DPYSL2: variants seen among roughly 807,000 people sequenced by gnomAD.
DPYSL2 encodes the protein dihydropyrimidinase like 2.
Under a neutral mutation model 69.9 loss-of-function variants are expected in DPYSL2, and 13 were observed. The observed-to-expected ratio is 0.19, with a 90% confidence interval of 0.12 to 0.30. The LOEUF (loss-of-function observed/expected upper bound fraction) is 0.30, where lower values mean the gene tolerates loss of function less well. Ranked by LOEUF, DPYSL2 falls within the 10% of genes least tolerant of loss-of-function variation. DPYSL2 has a pLI of 1.00. For missense variants in DPYSL2, 587 were observed against 918.9 expected, an observed-to-expected ratio of 0.64 and a Z score of 4.67; for synonymous variants, 326 against 359.1, an observed-to-expected ratio of 0.91 and a Z score of 1.04.
chr8:26,608,874 T>G (rs940284871), intron 3 of DPYSL2, among the ~76,000 whole-genome samples: 4 of 152,218 alleles, frequency 2.6e-5, no homozygotes, highest in Admixed American at 2.6e-4. Flanking sequence ...ACAGATGACA[T>G]CACCGACTTT....
chr8:26,570,526 CA>C (rs1386383387), intron 1 of DPYSL2, among the ~76,000 whole-genome samples: 2 of 152,072 alleles, frequency 1.3e-5, no homozygotes, highest in African/African-American at 4.8e-5. Context: ...ATCACGAGGT[CA>C]GGAGTTCGAG....
rs2129805074 is a variant in DPYSL2 at position 26,598,773 on chromosome 8, C to T, written c.628+14790C>T. Among the ~76,000 whole-genome samples the T allele has an allele frequency of 6.6e-6, 1 of 151,660 alleles. No individual in the cohort carries two copies. Among genetic ancestry groups the T allele is most frequent in the South Asian group, 2.1e-4 (1 of 4,804 alleles). On this transcript the variant is annotated intron_variant, in intron 3 of 13. Coordinates refer to ENST00000521913, the MANE Select transcript of DPYSL2 (RefSeq NM_001197293.3). This position sits in a 1 kb window ranked among gnomAD's most constrained non-coding sequence, Gnocchi z 4.2. Reference sequence around the variant, plus strand: ...CTGATTACAAGCTCCAGGTGAAGAGCAGGTTTGAGACTTACACCTTGTTTA... The same window carrying T: ...CTGATTACAAGCTCCAGGTGAAGAGTAGGTTTGAGACTTACACCTTGTTTA...
At chr8:26,633,773 C>G (rs548442331) in intron 7 of DPYSL2, among the ~76,000 whole-genome samples, 1 of 152,304 alleles carries the variant, frequency 6.6e-6, no homozygotes, top group African/African-American at 2.4e-5. Flanking sequence ...ACCACACTGA[C>G]TGGAACATCC....
intron 1 of DPYSL2, among the ~76,000 whole-genome samples, chr8:26,519,426 T>C (rs371212656): frequency 2.0e-5 from 3 of 152,246 alleles, no homozygotes; most frequent in African/African-American, 7.2e-5. Context: ...TCAGTCCCAC[T>C]GCAGTCCTCT....
chr8:26,600,758 C>G (rs1416148679), intron 3 of DPYSL2, among the ~76,000 whole-genome samples: 1 of 152,198 alleles, frequency 6.6e-6, no homozygotes, highest in Non-Finnish European at 1.5e-5. Context: ...AGCCCTCCCT[C>G]TAGGGCTCAC....
chr8:26,653,518 A>T lies in DPYSL2; in HGVS notation c.1942+121A>T, dbSNP rs1404841501. The stretch of plus-strand genomic sequence containing the variant: ...AGTGAATGATATTCCCTTTCTCTCC[A>T]ACGTGAGAAATACAGTGGACTCAGA... On this transcript the variant is annotated intron_variant, in intron 13 of 13. Coordinates refer to ENST00000521913, the MANE Select transcript of DPYSL2 (RefSeq NM_001197293.3). This position sits in a 1 kb window ranked among gnomAD's most constrained non-coding sequence, Gnocchi z 5.7. 9.3e-7 allele frequency: 1 copy of T among 1,078,854 alleles called. No individual in the cohort carries two copies. The highest frequency in any genetic ancestry group is 1.3e-6 in the Non-Finnish European group (1 of 746,508). The allele number at this position is 1,078,854 out of a possible 1,614,324, so 66.8% of individuals were successfully genotyped here.
chr8:26,540,773 C>T (rs577196584), intron 1 of DPYSL2, among the ~76,000 whole-genome samples: 187 of 151,976 alleles, frequency 1.2e-3, no homozygotes, highest in African/African-American at 3.8e-3. Context: ...GGCATGGTGG[C>T]ACATGCCTGT....
chr8:26,592,291 T>A (rs1801744464), intron 3 of DPYSL2, among the ~76,000 whole-genome samples: 1 of 152,134 alleles, frequency 6.6e-6, no homozygotes, highest in Non-Finnish European at 1.5e-5. Context: ...TAGTTGGGAC[T>A]GTAGGTGTGC....
chr8:26,544,011 A>G (rs1348978531), intron 1 of DPYSL2, among the ~76,000 whole-genome samples: 1 of 152,052 alleles, frequency 6.6e-6, no homozygotes, highest in African/African-American at 2.4e-5. Flanking sequence ...TGTCAACCCA[A>G]TGGACAGATA....
intron 1 of DPYSL2, among the ~76,000 whole-genome samples, chr8:26,553,069 T>A (rs1393107310): frequency 6.6e-6 from 1 of 152,100 alleles, no homozygotes; most frequent in African/African-American, 2.4e-5. Context: ...TATTGGCCAA[T>A]TCTTTGAAAT....
chr8:26,528,015 C>T (rs981612688), intron 1 of DPYSL2, among the ~76,000 whole-genome samples: 3 of 151,950 alleles, frequency 2.0e-5, no homozygotes, highest in African/African-American at 7.3e-5. Flanking sequence ...TGTTGGCCAG[C>T]CTTGTATTGA....
At position 26,601,009 on chromosome 8, in the gene DPYSL2, G is replaced by A. The variant is rs115225607; in HGVS notation, c.628+17026G>A. The stretch of plus-strand genomic sequence containing the variant: ...TCACCCTTCTGACAGCACACAGCCT[G>A]CGGGGTCCAGGCACTCTCAGCCATG... On this transcript the variant is annotated intron_variant, in intron 3 of 13. Transcript: ENST00000521913. Among the ~76,000 whole-genome samples, 1,204 of 152,322 alleles carry A rather than the reference G, an allele frequency of 7.9e-3. 19 individuals are homozygous for A. The highest frequency in any genetic ancestry group is 0.028 in the African/African-American group (1,152 of 41,576).
In DPYSL2 at chr8:26,643,705, C is replaced by G; in HGVS notation, c.1283+110C>G. The G allele has an allele frequency of 6.8e-7, 1 of 1,479,350 alleles. No homozygotes were observed. Among genetic ancestry groups the G allele is most frequent in the Non-Finnish European group, 9.3e-7 (1 of 1,074,282 alleles). The allele number at this position is 1,479,350 out of a possible 1,614,324, so 91.6% of individuals were successfully genotyped here. A position where few individuals can be genotyped will look rare whatever the true frequency, so the allele number is the denominator to read the frequency against. ...CAAGAGCAGCCATAAAACTGGGAGA[C>G]CCTTGTTCACCAAACTAGGTTGGCT... On this transcript the variant is annotated intron_variant, in intron 9 of 13. Transcript: ENST00000521913. This position sits in a 1 kb window ranked among gnomAD's most constrained non-coding sequence, Gnocchi z 6.5.
intron 1 of DPYSL2, among the ~76,000 whole-genome samples, chr8:26,531,118 T>C (rs1585492047): frequency 6.6e-6 from 1 of 150,756 alleles, no homozygotes; most frequent in East Asian, 2.0e-4. Context: ...TAAGCACCTC[T>C]CCAAAACCCC....
intron 3 of DPYSL2, among the ~76,000 whole-genome samples, chr8:26,618,498 T>C (rs1006260956): frequency 7.0e-6 from 1 of 142,180 alleles, no homozygotes; most frequent in Non-Finnish European, 1.5e-5. Context: ...TTTTTTTTTT[T>C]TGTAGAGTTG....
intron 3 of DPYSL2, among the ~76,000 whole-genome samples, chr8:26,606,844 G>C (rs963868262): frequency 6.6e-6 from 1 of 152,168 alleles, no homozygotes; most frequent in African/African-American, 2.4e-5. Context: ...TGTCAATTCT[G>C]AGGGGGGAAG....
Position 26,624,436 on chromosome 8 carries a change from G to GA in DPYSL2, c.793+131dup. On this transcript the variant is annotated intron_variant, in intron 4 of 13. Coordinates refer to ENST00000521913, the MANE Select transcript of DPYSL2 (RefSeq NM_001197293.3). The surrounding 1 kb of genome is among the most constrained non-coding windows in gnomAD (Gnocchi z 4.7). The stretch of plus-strand genomic sequence containing the variant: ...GCCTCATGCCCATGCCTGCCCCTGG[G>GA]AAGGAGAGAGGGCTTTGGGCCGCAG... 3.3e-6 allele frequency: 4 copies of GA among 1,220,324 alleles called. No individual in the cohort carries two copies. The highest frequency in any genetic ancestry group is 4.6e-6 in the Non-Finnish European group (4 of 871,198). The allele number at this position is 1,220,324 out of a possible 1,614,324, so 75.6% of individuals were successfully genotyped here.
chr8:26,536,672 A>AAAAC (rs57765133), intron 1 of DPYSL2, among the ~76,000 whole-genome samples: 38,335 of 151,454 alleles, frequency 0.25, 5,390 homozygotes, highest in African/African-American at 0.38. Context: ...CTCCATCTCA[A>AAAAC]AAACAAACAA....
At chr8:26,581,712 T>G (rs1378587858) in intron 1 of DPYSL2, among the ~76,000 whole-genome samples, 1 of 152,084 alleles carries the variant, frequency 6.6e-6, no homozygotes, top group East Asian at 1.9e-4. Context: ...CTGCTTTTTT[T>G]TTTTCTTTGG....
Sources: gnomAD v4.1 joint callset for allele counts (sites outside exome capture counted in the v4.1 genomes callset) on GRCh38, gnomAD v4.1.1 for gene constraint, Gnocchi (gnomAD v3.1) non-coding constraint, MANE v1.5 for transcripts, NCBI Gene and HGNC (gene_info 2026-07-23, HGNC 2026-07-21) for gene names.